FAM114A2: variants seen among roughly 807,000 people sequenced by gnomAD.
FAM114A2 encodes protein FAM114A2.
A neutral mutation model predicts 58.4 loss-of-function variants in FAM114A2; 53 were observed. That is an observed-to-expected ratio of 0.91 (90% CI 0.73 to 1.14). FAM114A2 has a LOEUF of 1.14. Among genes scored for constraint, FAM114A2 ranks in the 50% most tolerant of loss-of-function variants. The probability of loss-of-function intolerance (pLI) is 0.00; values close to 1 mark genes in which losing one functional copy is unlikely to be tolerated. For synonymous variants in FAM114A2, 228 were observed against 211.4 expected, an observed-to-expected ratio of 1.08 and a Z score of -0.68; for missense variants, 601 against 581.1, an observed-to-expected ratio of 1.03 and a Z score of -0.35.
In FAM114A2 at chr5:154,016,340, GA is replaced by G. The variant is rs199537815; in HGVS notation, c.914-5021del. ...CTGGTTATCTAAAGTTAAGACAAGG[GA>G]AAGAATCTCAAGCTGTGATACAGAA... is the stretch of plus-strand genomic sequence containing the variant. On this transcript the variant is annotated intron_variant, in intron 8 of 13. Transcript: ENST00000351797. 1.9e-3 allele frequency among the ~76,000 whole-genome samples: 295 copies of G among 152,202 alleles called. 5 individuals carry two copies. The East Asian group carries it at 0.05, about 26-fold the overall frequency.
At chr5:153,994,673 T>C in intron 13 of FAM114A2, 7 of 382,156 alleles carry the variant, frequency 1.8e-5, no homozygotes, top group Non-Finnish European at 2.4e-5. Context: ...CATTAAGCTG[T>C]CAAGGATTAG....
intron 12 of FAM114A2, chr5:153,995,443 G>A (rs1273422188): frequency 6.6e-6 from 1 of 152,264 alleles, no homozygotes; most frequent in Non-Finnish European, 1.5e-5. Context: ...GGCCTTGTAA[G>A]ATTAACTTCA....
intron 7 of FAM114A2, 114 bp downstream of exon 7, chr5:154,027,062 C>G: frequency 1.2e-6 from 1 of 833,260 alleles, no homozygotes; most frequent in Non-Finnish European, 1.9e-6. Context: ...GAAGGCATCT[C>G]AAGCCTCTAA....
chr5:153,992,129 A>C lies in FAM114A2; in HGVS notation c.*847T>G, dbSNP rs1436615736. ...TCAAACAAAAAAATCCTCATTGCTA[A>C]AACAGCTTCAACATTCCTTTGGAGT... On this transcript the variant is annotated 3_prime_UTR_variant, in exon 14 of 14. Transcript: ENST00000351797. The C allele has an allele frequency of 6.6e-6, 1 of 152,238 alleles. No individual in the cohort carries two copies. Among genetic ancestry groups the C allele is most frequent in the Non-Finnish European group, 1.5e-5 (1 of 68,044 alleles). 9.4% of individuals were successfully genotyped at this position (152,238 alleles called of 1,614,324 possible). A position where few individuals can be genotyped will look rare whatever the true frequency, so the allele number is the denominator to read the frequency against.
chr5:154,022,692 T>A (rs1231984367), intron 8 of FAM114A2, among the ~76,000 whole-genome samples: 1 of 152,132 alleles, frequency 6.6e-6, no homozygotes, highest in Non-Finnish European at 1.5e-5. Flanking sequence ...TTGGTGGGAG[T>A]GTAAACTAGT....
chr5:154,020,143 A>C (rs1771307033), intron 8 of FAM114A2, among the ~76,000 whole-genome samples: 1 of 152,224 alleles, frequency 6.6e-6, no homozygotes, highest in Non-Finnish European at 1.5e-5. Flanking sequence ...ACACATTTAG[A>C]GCAGTGTGTA....
At chr5:154,024,293 T>C (rs769436083) in intron 8 of FAM114A2, among the ~76,000 whole-genome samples, 1 of 152,142 alleles carries the variant, frequency 6.6e-6, no homozygotes, top group Non-Finnish European at 1.5e-5. Flanking sequence ...TACATATACA[T>C]ATAAAAAGTT....
intron 1 of FAM114A2, chr5:154,037,318 T>A (rs549146544): frequency 3.2e-4 from 48 of 152,258 alleles, no homozygotes; most frequent in African/African-American, 1.1e-3. Flanking sequence ...TATAAACACA[T>A]TACACATTTC....
At position 153,996,843 on chromosome 5, in the gene FAM114A2, A is replaced by G. The variant is rs920487688; in HGVS notation, c.1329+960T>C. ...GAAACCCTGTCTCTACTAAAAATAC[A>G]AAAATTGGCTGGGCATGGTGGCAGG... is the stretch of plus-strand genomic sequence containing the variant. On this transcript the variant is annotated intron_variant, in intron 12 of 13. Transcript: ENST00000351797. 5.9e-5 allele frequency among the ~76,000 whole-genome samples: 9 copies of G among 152,100 alleles called. No individual in the cohort carries two copies. The East Asian group carries it at 1.5e-3, about 26-fold the overall frequency.
chr5:153,992,875 A>T lies in FAM114A2; in HGVS notation c.*101T>A. On this transcript the variant is annotated 3_prime_UTR_variant, in exon 14 of 14. Coordinates refer to ENST00000351797, the MANE Select transcript of FAM114A2 (RefSeq NM_018691.4). Reference sequence around the variant, plus strand: ...AACCATCTCTCCTGCCTGAATTTTTATATACTAAAATAACCCCACTCCTTC... The same window carrying T: ...AACCATCTCTCCTGCCTGAATTTTTTTATACTAAAATAACCCCACTCCTTC... The T allele has an allele frequency of 9.5e-7, 1 of 1,049,296 alleles. No homozygotes were observed. Among genetic ancestry groups the T allele is most frequent in the Non-Finnish European group, 1.4e-6 (1 of 734,654 alleles). The allele number at this position is 1,049,296 out of a possible 1,614,324, so 65.0% of individuals were successfully genotyped here. A position where few individuals can be genotyped will look rare whatever the true frequency, so the allele number is the denominator to read the frequency against.
At chr5:154,022,710 T>C (rs1383443108) in intron 8 of FAM114A2, among the ~76,000 whole-genome samples, 2 of 152,208 alleles carry the variant, frequency 1.3e-5, no homozygotes, top group African/African-American at 4.8e-5. Context: ...AGTTCAACCA[T>C]TGTGGAAGAC....
At chr5:154,011,901 G>C (rs1040467463) in intron 8 of FAM114A2, among the ~76,000 whole-genome samples, 2 of 152,176 alleles carry the variant, frequency 1.3e-5, no homozygotes, top group African/African-American at 4.8e-5. Flanking sequence ...AGGGGGAGAA[G>C]TGGTAAGCTA....
At position 154,026,405 on chromosome 5, in the gene FAM114A2, T is replaced by C. The variant is rs74811310; in HGVS notation, c.907A>G (p.Lys303Glu). ...AEFCEEEEEE[K>E]KGDEDFTKDI... is the part of the protein sequence containing the mutation. ...TACTAAATTTTCATATTACCTTTTTTCTCTTCTTCCTCTTCTTCACAAAAT... is the reference window on the plus strand; with the variant it reads ...TACTAAATTTTCATATTACCTTTTTCCTCTTCTTCCTCTTCTTCACAAAAT... The change falls in exon 8 of 14, where the codon AAA becomes GAA. Residue 303 changes from lysine to glutamate, a missense_variant. Coordinates refer to ENST00000351797, the MANE Select transcript of FAM114A2 (RefSeq NM_018691.4). 6.4e-7 allele frequency: 1 copy of C among 1,570,432 alleles called. No homozygotes were observed. The highest frequency in any genetic ancestry group is 1.2e-5 in the South Asian group (1 of 83,266).
intron 11 of FAM114A2, among the ~76,000 whole-genome samples, chr5:153,998,539 G>A (rs556729622): frequency 5.3e-5 from 8 of 152,270 alleles, no homozygotes; most frequent in African/African-American, 1.9e-4. Flanking sequence ...CTTTCATGCA[G>A]GTCTCTTTGC....
intron 8 of FAM114A2, among the ~76,000 whole-genome samples, chr5:154,023,966 T>C (rs1581818521): frequency 6.6e-6 from 1 of 152,300 alleles, no homozygotes; most frequent in South Asian, 2.1e-4. Context: ...TCTAAGACCC[T>C]CACTCAGAGC....
chr5:153,998,379 G>T (rs1033601486), intron 11 of FAM114A2, among the ~76,000 whole-genome samples: 2 of 152,150 alleles, frequency 1.3e-5, no homozygotes, highest in Non-Finnish European at 2.9e-5. Context: ...GTTGAAATTT[G>T]ATTCCCAACA....
chr5:154,024,658 C>T (rs544454605), intron 8 of FAM114A2, among the ~76,000 whole-genome samples: 2 of 152,172 alleles, frequency 1.3e-5, no homozygotes, highest in African/African-American at 4.8e-5. Context: ...AACAAGTGGT[C>T]GTTTCTTAAA....
intron 9 of FAM114A2, 117 bp from the exon 10 acceptor site, chr5:154,003,086 T>G: frequency 1.2e-6 from 1 of 819,416 alleles, no homozygotes; most frequent in Non-Finnish European, 2.0e-6. Flanking sequence ...TACCTGAACG[T>G]ACCATCTAGC....
At chr5:153,994,724 C>A (rs1042707138) in intron 13 of FAM114A2, 195 bp downstream of exon 13, 6 of 527,844 alleles carry the variant, frequency 1.1e-5, no homozygotes, top group Non-Finnish European at 1.7e-5. Flanking sequence ...CAGTACCCTG[C>A]AGCTTCAACT....
Sources: allele counts gnomAD v4.1 joint callset (sites outside exome capture counted in the v4.1 genomes callset), GRCh38; gene constraint gnomAD v4.1.1; transcripts MANE v1.5; gene names NCBI Gene and HGNC (gene_info 2026-07-23, HGNC 2026-07-21).